MSI2: variants seen among roughly 807,000 people sequenced by gnomAD.
MSI2 encodes the protein RNA-binding protein Musashi homolog 2.
In MSI2, 17 loss-of-function variants were observed where a neutral mutation model predicts 45.6. The observed-to-expected ratio is 0.37, with a 90% CI of 0.26 to 0.56. The LOEUF is 0.56. Ranked by LOEUF, MSI2 falls within the 20% of genes least tolerant of loss-of-function variation. MSI2 has a pLI of 0.77. For synonymous variants in MSI2, 156 were observed against 158.2 expected, an observed-to-expected ratio of 0.99 and a Z score of 0.11; for missense variants, 293 against 444.2, an observed-to-expected ratio of 0.66 and a Z score of 3.06.
intron 5 of MSI2, among the ~76,000 whole-genome samples, chr17:57,338,862 G>A (rs1914898215): frequency 1.3e-5 from 2 of 152,142 alleles, no homozygotes; most frequent in African/African-American, 4.8e-5. Flanking sequence ...CCCCACCCCT[G>A]AGTTCCCCTT....
At chr17:57,568,137 A>G (rs76178099) in intron 7 of MSI2, among the ~76,000 whole-genome samples, 3,187 of 152,306 alleles carry the variant, frequency 0.021, 111 homozygotes, top group South Asian at 0.063. Flanking sequence ...AGTGGCATGA[A>G]GTCACTGCTC....
chr17:57,411,042 T>C (rs775510459), intron 6 of MSI2, among the ~76,000 whole-genome samples: 21 of 152,242 alleles, frequency 1.4e-4, no homozygotes, highest in Non-Finnish European at 3.1e-4. Context: ...CTCACTATGG[T>C]TTCCCAGGCT....
intron 6 of MSI2, among the ~76,000 whole-genome samples, chr17:57,453,444 T>A (rs1406901167): frequency 6.6e-6 from 1 of 152,172 alleles, no homozygotes; most frequent in African/African-American, 2.4e-5. Context: ...TATAACCTGA[T>A]GATTTGGGGT....
intron 11 of MSI2, among the ~76,000 whole-genome samples, chr17:57,667,936 G>A (rs1912494482): frequency 6.6e-6 from 1 of 152,164 alleles, no homozygotes; most frequent in Non-Finnish European, 1.5e-5. Context: ...CAGTGGCTCA[G>A]GCCTGTAATC....
At chr17:57,375,541 G>A (rs994712336) in intron 5 of MSI2, among the ~76,000 whole-genome samples, 18 of 152,216 alleles carry the variant, frequency 1.2e-4, no homozygotes, top group African/African-American at 4.1e-4. Context: ...TCACGGCGTG[G>A]GGAGTGGGGC....
chr17:57,575,166 C>G (rs1327911127), intron 7 of MSI2, among the ~76,000 whole-genome samples: 2 of 149,044 alleles, frequency 1.3e-5, no homozygotes, highest in South Asian at 2.2e-4. Context: ...CCGCCACCCC[C>G]CGGCTGGAGC....
intron 5 of MSI2, among the ~76,000 whole-genome samples, chr17:57,359,267 G>A (rs554091505): frequency 4.2e-4 from 64 of 152,216 alleles, no homozygotes; most frequent in Middle Eastern, 3.4e-3. Flanking sequence ...AACTCAATAT[G>A]GGCATTTTAA....
chr17:57,638,648 G>A (rs1319894600), intron 10 of MSI2, among the ~76,000 whole-genome samples: 2 of 152,190 alleles, frequency 1.3e-5, no homozygotes, highest in African/African-American at 4.8e-5. Context: ...CCAACACATT[G>A]GGAGGCCAAG....
chr17:57,463,017 T>C (rs896712887), intron 6 of MSI2, among the ~76,000 whole-genome samples: 1 of 152,186 alleles, frequency 6.6e-6, no homozygotes, highest in Non-Finnish European at 1.5e-5. Context: ...CCACCACAGG[T>C]CTCAGGATTA....
At chr17:57,261,588 T>G (rs775064980) in intron 4 of MSI2, among the ~76,000 whole-genome samples, 1 of 152,166 alleles carries the variant, frequency 6.6e-6, no homozygotes, top group Non-Finnish European at 1.5e-5. Context: ...ATGAATTAAT[T>G]AACTCAAGCA....
chr17:57,527,256 A>G (rs1307380562), intron 6 of MSI2, among the ~76,000 whole-genome samples: 2 of 52,120 alleles, frequency 3.8e-5, no homozygotes, highest in East Asian at 6.9e-4. Flanking sequence ...ACCTGGCAGG[A>G]CTCATCCCCC....
chr17:57,456,609 A>T (rs556706836), intron 6 of MSI2, among the ~76,000 whole-genome samples: 1 of 152,244 alleles, frequency 6.6e-6, no homozygotes, highest in East Asian at 1.9e-4. Context: ...CAAAAAAAAA[A>T]AAGGAACACC....
chr17:57,327,695 A>G (rs1913917859), intron 5 of MSI2, among the ~76,000 whole-genome samples: 1 of 152,158 alleles, frequency 6.6e-6, no homozygotes. Flanking sequence ...GACTGCTTTC[A>G]CAATCTTGTC....
At chr17:57,693,995 T>C in the MSI2 span, among the ~76,000 whole-genome samples, 1 of 152,370 alleles carries the variant, frequency 6.6e-6, no homozygotes, top group Middle Eastern at 3.4e-3. Flanking sequence ...AAGACAATTA[T>C]ATAAAACTCA....
At chr17:57,444,803 C>CG (rs1051756848) in intron 6 of MSI2, 2 of 152,174 alleles carry the variant, frequency 1.3e-5, no homozygotes, top group African/African-American at 2.4e-5. Flanking sequence ...CCGGGGTTGG[C>CG]GGGGGGTGGG....
intron 6 of MSI2, among the ~76,000 whole-genome samples, chr17:57,437,287 A>C (rs150599958): frequency 7.6e-4 from 116 of 152,344 alleles, no homozygotes; most frequent in African/African-American, 2.7e-3. Flanking sequence ...CCTTTGGAAC[A>C]AAATGAAGTG....
chr17:57,487,250 C>T (rs1303426092), intron 6 of MSI2, among the ~76,000 whole-genome samples: 1 of 152,214 alleles, frequency 6.6e-6, no homozygotes, highest in Non-Finnish European at 1.5e-5. Flanking sequence ...GCTGGGAATT[C>T]TGCCTGCGCT....
At chr17:57,338,699 C>T (rs1914885938) in intron 5 of MSI2, among the ~76,000 whole-genome samples, 1 of 152,070 alleles carries the variant, frequency 6.6e-6, no homozygotes, top group Non-Finnish European at 1.5e-5. Context: ...TGCTGAAAAC[C>T]TCTCTTCCTC....
intron 7 of MSI2, among the ~76,000 whole-genome samples, chr17:57,553,489 C>T (rs1359548591): frequency 6.6e-6 from 1 of 152,216 alleles, no homozygotes; most frequent in African/African-American, 2.4e-5. Flanking sequence ...CCATTCTTCT[C>T]CCTGCTTTCC....
Sources: gnomAD v4.1 joint callset for allele counts (sites outside exome capture counted in the v4.1 genomes callset) on GRCh38, gnomAD v4.1.1 for gene constraint, MANE v1.5 for transcripts, NCBI Gene and HGNC (gene_info 2026-07-23, HGNC 2026-07-21) for gene names.